The following SNTG2 variants were observed in gnomAD, a reference collection of about 807,000 sequenced individuals.
The protein encoded by SNTG2 is syntrophin gamma 2, also known as gamma-2-syntrophin.
In SNTG2, 74 loss-of-function variants were observed where a neutral mutation model predicts 70.9. The observed-to-expected ratio is 1.04, with a 90% CI of 0.86 to 1.27. The LOEUF (loss-of-function observed/expected upper bound fraction) is 1.27, where lower values mean the gene tolerates loss of function less well. Among genes scored for constraint, SNTG2 ranks in the 50% most tolerant of loss-of-function variants. The pLI is 0.00. For synonymous variants in SNTG2, 278 were observed against 273.8 expected, an observed-to-expected ratio of 1.02 and a Z score of -0.15; for missense variants, 717 against 690.7, an observed-to-expected ratio of 1.04 and a Z score of -0.43.
intron 11 of SNTG2, chr2:1,242,797 C>T (rs1436580517): frequency 6.6e-6 from 1 of 152,096 alleles, no homozygotes; most frequent in Non-Finnish European, 1.5e-5. Flanking sequence ...ATTATCTTGA[C>T]TGATGGGGTG....
intron 8 of SNTG2, among the ~76,000 whole-genome samples, chr2:1,176,555 A>G (rs1414104477): frequency 6.6e-6 from 1 of 152,224 alleles, no homozygotes; most frequent in African/African-American, 2.4e-5. Context: ...CAGAGTGAAC[A>G]GGCAAGTTAC....
At chr2:1,229,353 A>G (rs1676028400) in intron 9 of SNTG2, among the ~76,000 whole-genome samples, 1 of 152,166 alleles carries the variant, frequency 6.6e-6, no homozygotes, top group African/African-American at 2.4e-5. Flanking sequence ...GCCCCACTAG[A>G]GTAGCTAGAT....
At chr2:1,302,845 T>G (rs1680516777) in intron 14 of SNTG2, among the ~76,000 whole-genome samples, 1 of 151,974 alleles carries the variant, frequency 6.6e-6, no homozygotes, top group Non-Finnish European at 1.5e-5. Context: ...GTAGCCCTAT[T>G]ATCAGATAAA....
chr2:1,359,628 C>G (rs1661034858), intron 16 of SNTG2, among the ~76,000 whole-genome samples: 1 of 152,074 alleles, frequency 6.6e-6, no homozygotes, highest in East Asian at 1.9e-4. Context: ...GTCTATTTCA[C>G]CACTCTAATT....
At chr2:1,196,882 G>A (rs1572700996) in intron 8 of SNTG2, among the ~76,000 whole-genome samples, 1 of 152,200 alleles carries the variant, frequency 6.6e-6, no homozygotes, top group East Asian at 1.9e-4. Flanking sequence ...GATTAAGGGA[G>A]CCCTACACCT....
chr2:1,215,025 T>G (rs1363594536), intron 9 of SNTG2, among the ~76,000 whole-genome samples: 1 of 152,192 alleles, frequency 6.6e-6, no homozygotes, highest in Non-Finnish European at 1.5e-5. Context: ...GTTAATATGG[T>G]GAATTAGATT....
intron 11 of SNTG2, chr2:1,242,763 T>C (rs1408156112): frequency 6.6e-6 from 1 of 152,218 alleles, no homozygotes; most frequent in African/African-American, 2.4e-5. Flanking sequence ...AGCTGCATGT[T>C]ATCATCTGGT....
At position 1,255,822 on chromosome 2, in the gene SNTG2, A is replaced by G. The variant is rs548289301; in HGVS notation, c.1006-3548A>G. ...TATATATATACACAAAGTTGTATGT[A>G]TATATATATAAATATATATAAATAT... On this transcript the variant is annotated intron_variant, in intron 12 of 16. Coordinates refer to ENST00000308624, the MANE Select transcript of SNTG2 (RefSeq NM_018968.4). 8.5e-5 allele frequency among the ~76,000 whole-genome samples: 8 copies of G among 94,392 alleles called. No homozygotes were observed. The South Asian group carries it at 2.2e-3, about 26-fold the overall frequency. 61.9% of individuals were successfully genotyped at this position (94,392 alleles called of 152,430 possible). A position where few individuals can be genotyped will look rare whatever the true frequency, so the allele number is the denominator to read the frequency against.
chr2:1,194,136 A>T (rs1467708802), intron 8 of SNTG2, among the ~76,000 whole-genome samples: 1 of 152,126 alleles, frequency 6.6e-6, no homozygotes, highest in Admixed American at 6.5e-5. Flanking sequence ...TCCACTTTTC[A>T]TTTTTTATCA....
At position 1,255,873 on chromosome 2, in the gene SNTG2, AAT is replaced by A. The variant is rs55737102; in HGVS notation, c.1006-3487_1006-3486del. ...ATATAAATATATATAAATATATATA[AAT>A]ATATATATAAATATATATAAATATA... On this transcript the variant is annotated intron_variant, in intron 12 of 16. Transcript: ENST00000308624. Among the ~76,000 whole-genome samples the A allele has an allele frequency of 5.3e-3, 138 of 26,082 alleles. 1 individual carries two copies. Among genetic ancestry groups the A allele is most frequent in the African/African-American group, 0.01 (65 of 6,446 alleles). The allele number at this position is 26,082 out of a possible 152,430, so 17.1% of individuals were successfully genotyped here.
At chr2:1,131,395 C>A (rs1254481218) in intron 4 of SNTG2, among the ~76,000 whole-genome samples, 2 of 152,132 alleles carry the variant, frequency 1.3e-5, no homozygotes, top group Admixed American at 6.5e-5. Context: ...CCCTGGCCTG[C>A]GGTGTGCAAG....
chr2:1,277,559 C>T (rs560913072), intron 14 of SNTG2, among the ~76,000 whole-genome samples: 1 of 152,246 alleles, frequency 6.6e-6, no homozygotes, highest in South Asian at 2.1e-4. Flanking sequence ...CACCCAGAAA[C>T]CAAAAAATTA....
At chr2:983,208 A>AGAGGTGGAGGTTG in intron 1 of SNTG2, among the ~76,000 whole-genome samples, 1 of 94,016 alleles carries the variant, frequency 1.1e-5, no homozygotes, top group Non-Finnish European at 2.5e-5. Context: ...GGTGGTGGTC[A>AGAGGTGGAGGTTG]GGATGCAGAA....
At chr2:1,094,885 AGG>A (rs1665281610) in intron 2 of SNTG2, among the ~76,000 whole-genome samples, 1 of 88,498 alleles carries the variant, frequency 1.1e-5, no homozygotes, top group Non-Finnish European at 2.2e-5. Flanking sequence ...AAGGCCTTAT[AGG>A]TGTGTCCTCA....
chr2:980,395 T>C (rs1183708988), intron 1 of SNTG2, among the ~76,000 whole-genome samples: 1 of 152,196 alleles, frequency 6.6e-6, no homozygotes. Flanking sequence ...TTCCTATGGA[T>C]CTGTGTGGAA....
At chr2:1,316,238 TC>T (rs747770593) in intron 15 of SNTG2, 26 bp from the exon 16 acceptor site, 1 of 1,139,122 alleles carries the variant, frequency 8.8e-7, no homozygotes, top group South Asian at 1.4e-5. Context: ...TGTTTAGAAA[TC>T]GCTAATTAAT....
intron 9 of SNTG2, among the ~76,000 whole-genome samples, chr2:1,220,452 G>T (rs1674679388): frequency 1.3e-5 from 2 of 152,186 alleles, no homozygotes; most frequent in South Asian, 4.1e-4. Context: ...GGCATGTCGT[G>T]TGTCCCCTGC....
At chr2:1,178,135 T>A (rs4464312) in intron 8 of SNTG2, among the ~76,000 whole-genome samples, 1 of 151,964 alleles carries the variant, frequency 6.6e-6, no homozygotes, top group Non-Finnish European at 1.5e-5. Context: ...ACTTTAATCA[T>A]GTAAAAGCCA....
At chr2:1,251,615 CCACACACACCGCACA>C (rs1160011185) in intron 12 of SNTG2, among the ~76,000 whole-genome samples, 1 of 148,230 alleles carries the variant, frequency 6.7e-6, no homozygotes, top group African/African-American at 2.5e-5. Context: ...CATGCACACA[CCACACACACCGCACA>C]CACACCACAC....
Sources: gnomAD v4.1 joint callset for allele counts (sites outside exome capture counted in the v4.1 genomes callset) on GRCh38, gnomAD v4.1.1 for gene constraint, MANE v1.5 for transcripts, NCBI Gene and HGNC (gene_info 2026-07-23, HGNC 2026-07-21) for gene names.